Variants in SNX29 observed in about 807,000 individuals in gnomAD.
The protein encoded by SNX29 is sorting nexin 29, also known as sorting nexin-29.
A neutral mutation model predicts 102.1 loss-of-function variants in SNX29; 78 were observed. The observed-to-expected ratio is 0.76, with a 90% confidence interval of 0.64 to 0.92. The LOEUF is 0.92. SNX29 is among the 40% of genes least tolerant of loss of function. SNX29 has a pLI of 0.00. For missense variants in SNX29, 1,280 were observed against 1,061.7 expected (o/e 1.21, Z -2.86); for synonymous variants, 580 against 414.5 (o/e 1.40, Z -4.85).
chr16:12,420,574 A>G (rs2084833100), intron 18 of SNX29, among the ~76,000 whole-genome samples: 1 of 152,178 alleles, frequency 6.6e-6, no homozygotes, highest in Non-Finnish European at 1.5e-5. Context: ...CCGAGTTCAC[A>G]CCTGTATGTG....
intron 18 of SNX29, among the ~76,000 whole-genome samples, chr16:12,426,595 G>A (rs910086515): frequency 6.6e-6 from 1 of 152,204 alleles, no homozygotes; most frequent in Non-Finnish European, 1.5e-5. Context: ...TAAAAATGGT[G>A]ATGTAGATCT....
intron 20 of SNX29, among the ~76,000 whole-genome samples, chr16:12,550,256 G>A (rs535175871): frequency 3.3e-5 from 5 of 152,280 alleles, no homozygotes; most frequent in African/African-American, 1.2e-4. Context: ...GCAAATATGG[G>A]CCAGACACAG....
Position 12,417,085 on chromosome 16 carries a change from G to C in SNX29, c.2037+13556G>C, listed in dbSNP as rs116748749. ...CCTCCCAGGTGCAGCCAGGGTGCCA[G>C]CCACCTCAGGCACAGTACTTCTTGG... is the stretch of plus-strand genomic sequence containing the variant. On this transcript the variant is annotated intron_variant, in intron 18 of 20. Coordinates refer to ENST00000566228, the MANE Select transcript of SNX29 (RefSeq NM_032167.5). 9.3e-3 allele frequency among the ~76,000 whole-genome samples: 1,420 copies of C among 152,374 alleles called. 21 individuals carry two copies. Among genetic ancestry groups the C allele is most frequent in the African/African-American group, 0.032 (1,337 of 41,584 alleles).
intron 18 of SNX29, among the ~76,000 whole-genome samples, chr16:12,413,656 G>C (rs919895806): frequency 2.0e-5 from 3 of 152,200 alleles, no homozygotes; most frequent in African/African-American, 7.2e-5. Flanking sequence ...AGGGGAGACA[G>C]CTTGTTCATC....
At chr16:12,564,266 A>T (rs1299893703) in intron 20 of SNX29, among the ~76,000 whole-genome samples, 1 of 152,176 alleles carries the variant, frequency 6.6e-6, no homozygotes, top group East Asian at 1.9e-4. Flanking sequence ...GGTATATTAG[A>T]TGCCTCTACC....
At chr16:12,443,030 G>T in intron 18 of SNX29, 1 of 455,784 alleles carries the variant, frequency 2.2e-6, no homozygotes, top group Non-Finnish European at 4.4e-6. Context: ...TTAGTCTGTG[G>T]GCCGTATGAA....
intron 20 of SNX29, among the ~76,000 whole-genome samples, chr16:12,544,602 C>T (rs758669292): frequency 2.0e-5 from 3 of 152,232 alleles, no homozygotes; most frequent in Non-Finnish European, 4.4e-5. Flanking sequence ...TGAGTTGTCA[C>T]TCCTGACTCT....
At chr16:12,175,703 T>A (rs1296168109) in intron 13 of SNX29, among the ~76,000 whole-genome samples, 2 of 151,220 alleles carry the variant, frequency 1.3e-5, no homozygotes, top group African/African-American at 4.9e-5. Context: ...GATACCCTTA[T>A]AAGAAGAGGG....
rs987549839 is a variant in SNX29, at chr16:12,318,331, C to CA, written c.1783-37828dup. The stretch of plus-strand genomic sequence containing the variant: ...CAGAGGCCCCTTTGGCATCGTGACT[C>CA]AAAATTTTCTCTGGGTATTTTGCCT... On this transcript the variant is annotated intron_variant, in intron 15 of 20. Transcript: ENST00000566228. 2.0e-5 allele frequency among the ~76,000 whole-genome samples: 3 copies of CA among 152,334 alleles called. No individual in the cohort carries two copies. In the East Asian group the frequency reaches 5.8e-4, roughly 29 times the overall value.
chr16:12,200,704 T>G (rs948177323), intron 14 of SNX29, among the ~76,000 whole-genome samples: 2 of 152,166 alleles, frequency 1.3e-5, no homozygotes, highest in South Asian at 4.1e-4. Context: ...AGTCTTGTCT[T>G]GAACTCCTGA....
chr16:12,198,643 T>A (rs1406259262), intron 13 of SNX29, among the ~76,000 whole-genome samples: 1 of 152,196 alleles, frequency 6.6e-6, no homozygotes, highest in African/African-American at 2.4e-5. Flanking sequence ...CAAGTCTGAA[T>A]CTCAAAGCAG....
At chr16:12,195,819 A>C (rs1355060048) in intron 13 of SNX29, among the ~76,000 whole-genome samples, 1 of 152,074 alleles carries the variant, frequency 6.6e-6, no homozygotes, top group African/African-American at 2.4e-5. Flanking sequence ...GGCACAGTAA[A>C]ACCAACCTCG....
At chr16:12,501,163 A>C (rs1479032690) in intron 19 of SNX29, among the ~76,000 whole-genome samples, 1 of 152,180 alleles carries the variant, frequency 6.6e-6, no homozygotes, top group East Asian at 1.9e-4. Context: ...TGGGAGATCA[A>C]GACAAGAGGA....
intron 13 of SNX29, among the ~76,000 whole-genome samples, chr16:12,169,331 C>G (rs1459957668): frequency 1.3e-5 from 2 of 152,174 alleles, no homozygotes; most frequent in African/African-American, 2.4e-5. Context: ...CCCCGTGAGG[C>G]TGTGACACTG....
At chr16:12,487,903 C>T (rs1016919790) in intron 19 of SNX29, among the ~76,000 whole-genome samples, 3 of 152,128 alleles carry the variant, frequency 2.0e-5, no homozygotes, top group African/African-American at 7.2e-5. Flanking sequence ...AAACTGGGCT[C>T]ATTATACATC....
rs76799933 is a variant in SNX29 at position 12,338,346 on chromosome 16, C to T, written c.1783-17817C>T. On this transcript the variant is annotated intron_variant, in intron 15 of 20. Transcript: ENST00000566228. Reference sequence around the variant, plus strand: ...CAGAACCCTGGGGATGTTCAGAACCCTGGGGGTAAATAAGGAAGCTCATCG... The same window carrying T: ...CAGAACCCTGGGGATGTTCAGAACCTTGGGGGTAAATAAGGAAGCTCATCG... 4.4e-4 allele frequency among the ~76,000 whole-genome samples: 67 copies of T among 152,196 alleles called. 1 individual carries two copies. In the East Asian group the frequency reaches 0.011, roughly 25 times the overall value.
At chr16:12,476,351 CAAAAAAAAAAAAAAAA>C (rs150729550) in intron 18 of SNX29, among the ~76,000 whole-genome samples, 34 of 9,038 alleles carry the variant, frequency 3.8e-3, no homozygotes, top group Non-Finnish European at 6.3e-3. Flanking sequence ...CGACATTTCT[CAAAAAAAAAAAAAAAA>C]AAAAAAAAAA....
At chr16:12,064,036 C>T (rs141012922) in intron 9 of SNX29, among the ~76,000 whole-genome samples, 2 of 152,200 alleles carry the variant, frequency 1.3e-5, no homozygotes, top group African/African-American at 4.8e-5. Flanking sequence ...TGTGTGTTCA[C>T]AGGCTCTGTC....
intron 20 of SNX29, among the ~76,000 whole-genome samples, chr16:12,538,866 G>C (rs553984964): frequency 1.3e-5 from 2 of 151,992 alleles, no homozygotes; most frequent in African/African-American, 4.8e-5. Context: ...GAGAACGGTA[G>C]ATGGGGCCAT....
Sources: allele counts gnomAD v4.1 joint callset (sites outside exome capture counted in the v4.1 genomes callset), GRCh38; gene constraint gnomAD v4.1.1; transcripts MANE v1.5; gene names NCBI Gene and HGNC (gene_info 2026-07-23, HGNC 2026-07-21).